The following NRG4 variants were observed in gnomAD, a reference collection of about 807,000 sequenced individuals.
NRG4 encodes pro-neuregulin-4, membrane-bound isoform.
In NRG4, 10 loss-of-function variants were observed where a neutral mutation model predicts 15.0. The ratio of observed to expected loss-of-function variants is 0.67; its 90% CI spans 0.41 to 1.13. The LOEUF is 1.13. Among genes scored for constraint, NRG4 ranks in the 50% most tolerant of loss-of-function variants. NRG4 has a pLI of 0.00. For missense variants in NRG4, 139 were observed against 140.2 expected (o/e 0.99, Z 0.04); for synonymous variants, 41 against 50.1 (o/e 0.82, Z 0.77).
At chr15:76,026,525 A>G (rs767386261) in intron 5 of NRG4, among the ~76,000 whole-genome samples, 1 of 152,240 alleles carries the variant, frequency 6.6e-6, no homozygotes, top group African/African-American at 2.4e-5. Context: ...GACTGGCTAT[A>G]TAAGAAATGC....
chr15:76,037,415 G>A (rs2035620957), intron 4 of NRG4, among the ~76,000 whole-genome samples: 1 of 152,160 alleles, frequency 6.6e-6, no homozygotes, highest in African/African-American at 2.4e-5. Flanking sequence ...CAGAGACTGT[G>A]AGACTTTACA....
rs1193088210 is a variant in NRG4 at position 75,961,892 on chromosome 15, C to G, written c.187G>C (p.Glu63Gln). 1 of 1,613,746 alleles carries G rather than the reference C, an allele frequency of 6.2e-7. No homozygotes were observed. The highest frequency in any genetic ancestry group is 1.7e-5 in the Admixed American group (1 of 60,012). ...AGGACCGCCAATGCCACAAAAGCTT[C>G]AAACAGGTTACTTTTAGTTTGGATG... ...SSIQTKSNLFEAFVALAVLVT... is the reference protein window; with the variant it reads ...SSIQTKSNLFQAFVALAVLVT... Residue 63 changes from glutamate to glutamine, a missense_variant, in exon 4 of 6, where the codon GAA becomes CAA. By Grantham distance (29) the Glu-to-Gln change is conservative (BLOSUM62 2). Transcript: ENST00000394907.
intron 5 of NRG4, among the ~76,000 whole-genome samples, chr15:75,944,443 A>T (rs2031325971): frequency 6.6e-6 from 1 of 152,208 alleles, no homozygotes; most frequent in African/African-American, 2.4e-5. Flanking sequence ...GCATGCTAAG[A>T]CTTCAGGCTG....
intron 3 of NRG4, among the ~76,000 whole-genome samples, chr15:75,976,121 C>T (rs775103354): frequency 2.0e-5 from 3 of 152,070 alleles, no homozygotes; most frequent in African/African-American, 4.8e-5. Flanking sequence ...TCCACTTGAT[C>T]GATTTGTCTA....
At chr15:76,024,164 A>C (rs538195801) in intron 5 of NRG4, among the ~76,000 whole-genome samples, 1 of 152,360 alleles carries the variant, frequency 6.6e-6, no homozygotes, top group South Asian at 2.1e-4. Flanking sequence ...CTTGGGCCTA[A>C]GAAACAGCCC....
intron 3 of NRG4, among the ~76,000 whole-genome samples, chr15:75,984,083 A>G (rs78655769): frequency 0.021 from 3,159 of 152,304 alleles, 108 homozygotes; most frequent in African/African-American, 0.071. Flanking sequence ...GATTTTTAGG[A>G]TAGCGAAAAT....
At chr15:76,022,448 ACACACAC>A (rs1233958694) in intron 5 of NRG4, among the ~76,000 whole-genome samples, 1 of 152,080 alleles carries the variant, frequency 6.6e-6, no homozygotes, top group Non-Finnish European at 1.5e-5. Flanking sequence ...ACACACACAC[ACACACAC>A]AATGCTTAAC....
At chr15:76,047,127 T>C (rs1282568144) in intron 4 of NRG4, among the ~76,000 whole-genome samples, 6 of 150,626 alleles carry the variant, frequency 4.0e-5, no homozygotes, top group Admixed American at 4.0e-4. Flanking sequence ...CAATAAAAGA[T>C]ACTGGTGGGG....
intron 1 of NRG4, chr15:76,057,353 T>C (rs1314036532): frequency 1.3e-5 from 2 of 152,180 alleles, no homozygotes; most frequent in Non-Finnish European, 2.9e-5. Context: ...AAGCAAGTGT[T>C]CCCAAGTGAG....
intron 2 of NRG4, among the ~76,000 whole-genome samples, chr15:76,009,669 AT>A (rs1567108475): frequency 1.3e-5 from 2 of 152,156 alleles, no homozygotes; most frequent in South Asian, 4.1e-4. Context: ...CCAAGAATTT[AT>A]TTAAATTCTT....
At chr15:76,050,596 A>T (rs1040125118) in intron 4 of NRG4, among the ~76,000 whole-genome samples, 10 of 112,888 alleles carry the variant, frequency 8.9e-5, no homozygotes, top group African/African-American at 3.5e-4. Flanking sequence ...ACGCTCGGCT[A>T]ATTTTTTTTT....
At chr15:75,983,616 A>G (rs903519569) in intron 3 of NRG4, among the ~76,000 whole-genome samples, 2 of 152,158 alleles carry the variant, frequency 1.3e-5, no homozygotes, top group Non-Finnish European at 2.9e-5. Context: ...AAGGAATAAA[A>G]TAAAAAACTC....
At chr15:75,991,102 T>G (rs1267207409) in intron 3 of NRG4, among the ~76,000 whole-genome samples, 1 of 152,166 alleles carries the variant, frequency 6.6e-6, no homozygotes, top group Non-Finnish European at 1.5e-5. Flanking sequence ...CTGCTATAAT[T>G]TTATCATGGT....
chr15:75,992,046 C>T (rs2034036834), intron 3 of NRG4, among the ~76,000 whole-genome samples: 1 of 152,030 alleles, frequency 6.6e-6, no homozygotes, highest in Admixed American at 6.6e-5. Flanking sequence ...TATTCTAGGC[C>T]TTACAGTACA....
chr15:75,992,209 C>A lies in NRG4; in HGVS notation c.104+16991G>T, dbSNP rs562227008. ...TCTACAGTCCATATTATCCACAAAACAATGTCACTATTTTTGGTTTAGGTA... is the reference window on the plus strand; with the variant it reads ...TCTACAGTCCATATTATCCACAAAAAAATGTCACTATTTTTGGTTTAGGTA... On this transcript the variant is annotated intron_variant, in intron 3 of 5. Transcript: ENST00000394907. Among the ~76,000 whole-genome samples, 288 of 152,304 alleles carry A rather than the reference C, an allele frequency of 1.9e-3. 6 individuals carry two copies. The highest frequency in any genetic ancestry group is 6.3e-3 in the African/African-American group (263 of 41,578).
At chr15:76,022,048 G>A (rs557011545) in intron 5 of NRG4, among the ~76,000 whole-genome samples, 7 of 152,150 alleles carry the variant, frequency 4.6e-5, no homozygotes, top group Middle Eastern at 3.2e-3. Flanking sequence ...TAATGCGACC[G>A]CTGATTTGAT....
chr15:76,059,334 GT>G (rs869119361), intron 1 of NRG4, among the ~76,000 whole-genome samples: 1 of 152,210 alleles, frequency 6.6e-6, no homozygotes, highest in Non-Finnish European at 1.5e-5. Flanking sequence ...AGAAAGAGGT[GT>G]TTTCCCCTCG....
intron 3 of NRG4, among the ~76,000 whole-genome samples, chr15:76,001,797 T>G (rs1271864671): frequency 6.6e-6 from 1 of 152,202 alleles, no homozygotes; most frequent in African/African-American, 2.4e-5. Context: ...ACGTATTTTT[T>G]GGTTTTGATC....
chr15:75,976,909 G>A (rs2033389567), intron 3 of NRG4, among the ~76,000 whole-genome samples: 1 of 152,212 alleles, frequency 6.6e-6, no homozygotes, highest in South Asian at 2.1e-4. Flanking sequence ...GAACGTTTAA[G>A]TCTGTTGAAG....
Sources: gnomAD v4.1 joint callset for allele counts (sites outside exome capture counted in the v4.1 genomes callset) on GRCh38, gnomAD v4.1.1 for gene constraint, MANE v1.5 for transcripts, NCBI Gene and HGNC (gene_info 2026-07-23, HGNC 2026-07-21) for gene names.